The following GLYATL2 variants were observed in gnomAD, a reference collection of about 807,000 sequenced individuals.
GLYATL2 encodes glycine-N-acyltransferase like 2, also known as glycine N-acyltransferase-like protein 2.
In GLYATL2, 25 loss-of-function variants were observed where a neutral mutation model predicts 21.4. The ratio of observed to expected loss-of-function variants is 1.17; its 90% CI spans 0.85 to 1.63. The LOEUF (loss-of-function observed/expected upper bound fraction) is 1.63, where lower values mean the gene tolerates loss of function less well. Among genes scored for constraint, GLYATL2 ranks in the 40% most tolerant of loss-of-function variants. GLYATL2 has a pLI of 0.00. For synonymous variants in GLYATL2, 114 were observed against 118.2 expected (o/e 0.96, Z 0.23); for missense variants, 361 against 343.3 (o/e 1.05, Z -0.41).
At chr11:58,865,149 C>CAA (rs10700735) in intron 1 of GLYATL2, among the ~76,000 whole-genome samples, 124,006 of 144,560 alleles carry the variant, frequency 0.86, 55,158 homozygotes, top group Non-Finnish European at 0.96. Flanking sequence ...AGTAGTTCTG[C>CAA]AAAAAAAAGG....
At chr11:58,874,932 T>G (rs1004327644) in intron 1 of GLYATL2, among the ~76,000 whole-genome samples, 1 of 152,192 alleles carries the variant, frequency 6.6e-6, no homozygotes, top group Non-Finnish European at 1.5e-5. Flanking sequence ...CTAAGTCTCT[T>G]TGTAGGTCAC....
chr11:58,841,037 C>A (rs866318006), intron 1 of GLYATL2, among the ~76,000 whole-genome samples: 1 of 151,806 alleles, frequency 6.6e-6, no homozygotes, highest in Non-Finnish European at 1.5e-5. Flanking sequence ...GCCATATACA[C>A]GGCTGACAAT....
chr11:58,885,897 C>A (rs1253373777), intron 1 of GLYATL2, among the ~76,000 whole-genome samples: 2 of 152,114 alleles, frequency 1.3e-5, no homozygotes, highest in African/African-American at 4.8e-5. Context: ...GAAACAAAAA[C>A]CAAGGCAGAT....
chr11:58,884,873 T>G (rs2134616137), intron 1 of GLYATL2: 1 of 163,998 alleles, frequency 6.1e-6, no homozygotes, highest in Non-Finnish European at 1.5e-5. Context: ...ATTTGTTCCC[T>G]TAACATTTTT....
At chr11:58,871,066 T>C (rs1359209908) in intron 1 of GLYATL2, among the ~76,000 whole-genome samples, 1 of 152,160 alleles carries the variant, frequency 6.6e-6, no homozygotes, top group African/African-American at 2.4e-5. Context: ...ATCAACTAAG[T>C]TGAGAAAGAC....
At chr11:58,837,605 G>T (rs567179442) in intron 3 of GLYATL2, among the ~76,000 whole-genome samples, 1 of 152,312 alleles carries the variant, frequency 6.6e-6, no homozygotes, top group South Asian at 2.1e-4. Context: ...AAAGTGAGCT[G>T]CCCTTGAGAG....
At position 58,834,724 on chromosome 11, in the gene GLYATL2, T is replaced by C; in HGVS notation, c.590A>G (p.Gln197Arg). Reference protein sequence around the residue: ...RSLKYIERCLQDFLGFGVLGP... With the variant: ...RSLKYIERCLRDFLGFGVLGP... Reference sequence around the variant, plus strand: ...CAGCACACCAAATCCTAGAAAATCCTGGAGGCAGCGTTCAATATATTTCAA... The same window carrying C: ...CAGCACACCAAATCCTAGAAAATCCCGGAGGCAGCGTTCAATATATTTCAA... The change falls in exon 6 of 6, where the codon CAG becomes CGG. Residue 197 changes from glutamine to arginine, a missense_variant. Transcript: ENST00000287275. 6.2e-7 allele frequency: 1 copy of C among 1,613,894 alleles called. No individual in the cohort carries two copies. The highest frequency in any genetic ancestry group is 8.5e-7 in the Non-Finnish European group (1 of 1,180,010).
rs555363994 is a variant in GLYATL2 at position 58,872,190 on chromosome 11, T to C, written n.60+31966A>G. 2.6e-5 allele frequency among the ~76,000 whole-genome samples: 4 copies of C among 152,324 alleles called. No homozygotes were observed. In the South Asian group the frequency reaches 8.3e-4, roughly 32 times the overall value. ...TTGTAGATTCTGGATATTAGCCCTT[T>C]GTCAGATGAGTAGGTTGCGAAAATT... On this transcript the variant is annotated intron_variant and non_coding_transcript_variant, in intron 1 of 4. Transcript: ENST00000533636.
At chr11:58,898,534 A>G (rs1024804936) in intron 1 of GLYATL2, among the ~76,000 whole-genome samples, 1 of 147,958 alleles carries the variant, frequency 6.8e-6, no homozygotes, top group Non-Finnish European at 1.5e-5. Flanking sequence ...CTATTTGATT[A>G]GTTAAAATTC....
rs912053073 is a variant in GLYATL2, at chr11:58,860,796, T to A, written n.61-22428A>T. Reference sequence around the variant, plus strand: ...TCTTCTATACCTCATTTGTTGAGAGTTCATAATCAGGAAATCATGGTGAGC... The same window carrying A: ...TCTTCTATACCTCATTTGTTGAGAGATCATAATCAGGAAATCATGGTGAGC... On this transcript the variant is annotated intron_variant and non_coding_transcript_variant, in intron 1 of 4. Coordinates refer to the GLYATL2 transcript ENST00000533636. Among the ~76,000 whole-genome samples the A allele has an allele frequency of 5.7e-4, 87 of 152,080 alleles. 1 individual carries two copies. The highest frequency in any genetic ancestry group is 1.7e-3 in the African/African-American group (72 of 41,450).
At chr11:58,871,530 A>G (rs961078815) in intron 1 of GLYATL2, among the ~76,000 whole-genome samples, 42 of 147,294 alleles carry the variant, frequency 2.9e-4, no homozygotes, top group African/African-American at 9.3e-4. Flanking sequence ...GAGAACATGC[A>G]GTGTTTGGTT....
chr11:58,846,290 G>T (rs1023373766), upstream of GLYATL2, among the ~76,000 whole-genome samples: 3 of 151,970 alleles, frequency 2.0e-5, no homozygotes, highest in Non-Finnish European at 4.4e-5. Context: ...AGAATAGAAG[G>T]CTCCACTAAT....
At chr11:58,873,803 A>G (rs928613902) in intron 1 of GLYATL2, among the ~76,000 whole-genome samples, 9 of 152,172 alleles carry the variant, frequency 5.9e-5, no homozygotes, top group African/African-American at 2.2e-4. Flanking sequence ...GGCCTCATAA[A>G]ATGAGTTAGG....
Position 58,881,344 on chromosome 11 carries a change from G to A in GLYATL2, n.60+22812C>T, listed in dbSNP as rs149372153. On this transcript the variant is annotated intron_variant and non_coding_transcript_variant, in intron 1 of 4. Coordinates refer to the GLYATL2 transcript ENST00000533636. ...AGCCTAAGCTTTGAAACTATCAGTT[G>A]TGATGATAACCTTCTCCAAGTTATT... Among the ~76,000 whole-genome samples, 815 of 152,322 alleles carry A rather than the reference G, an allele frequency of 5.4e-3. 6 individuals are homozygous for A. Among genetic ancestry groups the A allele is most frequent in the African/African-American group, 0.018 (764 of 41,584 alleles).
intron 1 of GLYATL2, among the ~76,000 whole-genome samples, chr11:58,840,368 T>A (rs749540731): frequency 6.6e-6 from 1 of 152,090 alleles, no homozygotes; most frequent in Non-Finnish European, 1.5e-5. Context: ...TATAATATAC[T>A]GTATATAAGA....
upstream of GLYATL2, among the ~76,000 whole-genome samples, chr11:58,906,347 G>C (rs1854884384): frequency 6.6e-6 from 1 of 152,170 alleles, no homozygotes; most frequent in Non-Finnish European, 1.5e-5. Context: ...GTTTGACCCT[G>C]GTGGATCCTT....
chr11:58,890,863 T>C (rs1204747783), intron 1 of GLYATL2, among the ~76,000 whole-genome samples: 1 of 151,968 alleles, frequency 6.6e-6, no homozygotes, highest in Non-Finnish European at 1.5e-5. Flanking sequence ...TCTCTTCTTC[T>C]CTCTCTCTTT....
At chr11:58,848,248 C>G (rs1160681592), upstream of GLYATL2, among the ~76,000 whole-genome samples, 5 of 152,082 alleles carry the variant, frequency 3.3e-5, no homozygotes, top group Admixed American at 3.3e-4. Flanking sequence ...TAAGCCCAGA[C>G]AGTGAAGACT....
At chr11:58,889,789 G>T (rs1854508993) in intron 1 of GLYATL2, among the ~76,000 whole-genome samples, 1 of 151,996 alleles carries the variant, frequency 6.6e-6, no homozygotes, top group Admixed American at 6.6e-5. Context: ...ATTCATAAGG[G>T]AATATGGGCA....
Sources: gnomAD v4.1 joint callset for allele counts (sites outside exome capture counted in the v4.1 genomes callset) on GRCh38, gnomAD v4.1.1 for gene constraint, MANE v1.5 for transcripts, NCBI Gene and HGNC (gene_info 2026-07-23, HGNC 2026-07-21) for gene names.